Variants in CENPK observed in about 807,000 individuals in gnomAD.
The protein encoded by CENPK is centromere protein K.
Under a neutral mutation model 40.9 loss-of-function variants are expected in CENPK, and 46 were observed. That is an observed-to-expected ratio of 1.13 (90% confidence interval 0.89 to 1.44). CENPK has a LOEUF of 1.44. Ranked by LOEUF, CENPK falls within the 40% of genes most tolerant of loss-of-function variation. The probability of loss-of-function intolerance (pLI) is 0.00; values close to 1 mark genes in which losing one functional copy is unlikely to be tolerated. For synonymous variants in CENPK, 107 were observed against 104.4 expected, an observed-to-expected ratio of 1.02 and a Z score of -0.15; for missense variants, 288 against 303.5, an observed-to-expected ratio of 0.95 and a Z score of 0.38.
chr5:65,533,804 A>C (rs1028827166), intron 6 of CENPK, among the ~76,000 whole-genome samples: 1 of 152,126 alleles, frequency 6.6e-6, no homozygotes, highest in Non-Finnish European at 1.5e-5. Context: ...TCACTTTGGG[A>C]GGCCAAGGTG....
At chr5:65,501,776 C>T in the CENPK span, among the ~76,000 whole-genome samples, 2 of 152,136 alleles carry the variant, frequency 1.3e-5, no homozygotes, top group African/African-American at 2.4e-5. Context: ...GAAATTCAGC[C>T]TCTTCAAAGG....
At chr5:65,557,327 GAC>G (rs1428225655) in intron 2 of CENPK, among the ~76,000 whole-genome samples, 4 of 152,146 alleles carry the variant, frequency 2.6e-5, no homozygotes, top group Non-Finnish European at 5.9e-5. Flanking sequence ...CCCATCAAGA[GAC>G]AGAGTCTTTT....
downstream of CENPK, among the ~76,000 whole-genome samples, chr5:65,515,689 G>C (rs763369404): frequency 2.6e-5 from 4 of 152,008 alleles, no homozygotes; most frequent in Non-Finnish European, 5.9e-5. Context: ...AGCTTCTATG[G>C]TGTCTTTTTT....
rs995243929 is a variant in CENPK, at chr5:65,563,106, C to T, written c.-150G>A. On this transcript the variant is annotated 5_prime_UTR_variant, in exon 1 of 11. Coordinates refer to ENST00000396679, the MANE Select transcript of CENPK (RefSeq NM_022145.5). ...CCCGGCCCAGGTCTTACCATCACAG[C>T]GTCACAAACTCCAGGTCGCCTAGGC... 21 of 576,802 alleles carry T rather than the reference C, an allele frequency of 3.6e-5. No homozygotes were observed. Among genetic ancestry groups the T allele is most frequent in the Non-Finnish European group, 6.0e-5 (20 of 333,490 alleles). The allele number at this position is 576,802 out of a possible 1,614,324, so 35.7% of individuals were successfully genotyped here.
chr5:65,520,324 G>A (rs1743488912), intron 10 of CENPK, among the ~76,000 whole-genome samples: 1 of 152,050 alleles, frequency 6.6e-6, no homozygotes, highest in African/African-American at 2.4e-5. Flanking sequence ...AGATGCTAGT[G>A]TCATGTTTAT....
At chr5:65,545,324 GCACACACACACACACACACACACACA>G (rs869192025) in intron 5 of CENPK, among the ~76,000 whole-genome samples, 30 of 64,374 alleles carry the variant, frequency 4.7e-4, no homozygotes, top group Non-Finnish European at 9.7e-4. Context: ...CTCAAAGCGC[GCACACACACACACACACACACACACA>G]CACACACACA....
chr5:65,511,409 T>C, the CENPK span, among the ~76,000 whole-genome samples: 3 of 152,208 alleles, frequency 2.0e-5, no homozygotes, highest in Non-Finnish European at 2.9e-5. Flanking sequence ...AGGACTCTCA[T>C]AGCTAGAGAA....
the CENPK span, among the ~76,000 whole-genome samples, chr5:65,506,555 A>G: frequency 6.6e-6 from 1 of 152,128 alleles, no homozygotes; most frequent in South Asian, 2.1e-4. Flanking sequence ...AGGCCAAGGC[A>G]GGCAGATCAC....
intron 2 of CENPK, among the ~76,000 whole-genome samples, chr5:65,556,425 T>C (rs995151795): frequency 6.6e-6 from 1 of 152,148 alleles, no homozygotes; most frequent in African/African-American, 2.4e-5. Context: ...TAGTAAGCTA[T>C]GATCACACCA....
At chr5:65,544,577 T>C (rs1748561533) in intron 5 of CENPK, among the ~76,000 whole-genome samples, 1 of 152,176 alleles carries the variant, frequency 6.6e-6, no homozygotes, top group South Asian at 2.1e-4. Flanking sequence ...GAACTGCACA[T>C]CCATGTTCAT....
intron 7 of CENPK, 21 bp from the exon 8 acceptor site, chr5:65,529,038 TACAAGC>T: frequency 6.4e-7 from 1 of 1,564,902 alleles, no homozygotes; most frequent in East Asian, 2.2e-5. Flanking sequence ...GGAAAAACAA[TACAAGC>T]AATATCTAAA....
chr5:65,541,216 C>A, intron 6 of CENPK: 1 of 340,206 alleles, frequency 2.9e-6, no homozygotes, highest in Non-Finnish European at 6.0e-6. Flanking sequence ...TTAATTAAAC[C>A]TGAGGAGGAG....
At chr5:65,525,874 C>T (rs1319446868) in intron 9 of CENPK, among the ~76,000 whole-genome samples, 2 of 151,914 alleles carry the variant, frequency 1.3e-5, no homozygotes, top group East Asian at 1.9e-4. Context: ...GAAACCAACC[C>T]GACAGTACCT....
intron 6 of CENPK, among the ~76,000 whole-genome samples, chr5:65,539,674 G>GCT (rs35532423): frequency 0.2 from 30,080 of 152,180 alleles, 3,488 homozygotes; most frequent in South Asian, 0.32. Flanking sequence ...CCCTCTAGCA[G>GCT]CTCTCTGTCT....
intron 2 of CENPK, among the ~76,000 whole-genome samples, chr5:65,559,442 A>G (rs923493084): frequency 2.6e-5 from 4 of 151,948 alleles, no homozygotes; most frequent in South Asian, 2.1e-4. Context: ...ATCCCGGCTA[A>G]AAGGGTGAAA....
At chr5:65,512,725 G>T in the CENPK span, among the ~76,000 whole-genome samples, 1 of 152,106 alleles carries the variant, frequency 6.6e-6, no homozygotes, top group African/African-American at 2.4e-5. Flanking sequence ...CAGTTGTCTG[G>T]AACCAAACCC....
intron 10 of CENPK, among the ~76,000 whole-genome samples, chr5:65,520,058 T>C (rs1162391414): frequency 6.6e-6 from 1 of 152,180 alleles, no homozygotes; most frequent in East Asian, 1.9e-4. Flanking sequence ...CATATTGAAA[T>C]GTAATCCCCA....
chr5:65,510,338 G>A, the CENPK span, among the ~76,000 whole-genome samples: 1 of 152,104 alleles, frequency 6.6e-6, no homozygotes, highest in South Asian at 2.1e-4. Context: ...TAGATTTCCA[G>A]ATAGAAGATC....
At chr5:65,520,172 C>G (rs1743455991) in intron 10 of CENPK, among the ~76,000 whole-genome samples, 1 of 152,118 alleles carries the variant, frequency 6.6e-6, no homozygotes. Context: ...ATAGTGAGTT[C>G]TCGCAAGATC....
Sources: allele counts gnomAD v4.1 joint callset (sites outside exome capture counted in the v4.1 genomes callset), GRCh38; gene constraint gnomAD v4.1.1; transcripts MANE v1.5; gene names NCBI Gene and HGNC (gene_info 2026-07-23, HGNC 2026-07-21).